The following HDAC11 variants were observed in gnomAD, a reference collection of about 807,000 sequenced individuals.
HDAC11 encodes histone deacetylase 11.
In HDAC11, 23 loss-of-function variants were observed where a neutral mutation model predicts 41.1. The observed-to-expected ratio is 0.56, with a 90% CI of 0.40 to 0.79. HDAC11 has a LOEUF of 0.79. Among genes scored for constraint, HDAC11 ranks in the 30% least tolerant of loss-of-function variants. HDAC11 has a pLI of 0.00. For missense variants in HDAC11, 402 were observed against 477.3 expected (o/e 0.84, Z 1.47); for synonymous variants, 187 against 186.6 (o/e 1.00, Z -0.02).
chr3:13,498,458 G>A, intron 4 of HDAC11, 55 bp from the exon 5 acceptor site: 5 of 1,606,972 alleles, frequency 3.1e-6, no homozygotes, highest in Non-Finnish European at 4.3e-6. Flanking sequence ...ATCAGTGAAT[G>A]AATGACTGGT....
chr3:13,504,518 G>C lies in HDAC11; in HGVS notation c.879G>C (p.Arg293=). ...TGTTCCGGATGGTCCGTGGCCGCCG[G>C]GTGCCCATCCTTATGGTGACCTCAG... ...ELVFRMVRGR[R]VPILMVTSGG... The change falls in exon 10 of 10, where the codon CGG becomes CGC. Residue 293 remains arginine, a synonymous_variant. Coordinates refer to ENST00000295757, the MANE Select transcript of HDAC11 (RefSeq NM_024827.4). The C allele has an allele frequency of 1.2e-6, 2 of 1,613,542 alleles. No homozygotes were observed. The highest frequency in any genetic ancestry group is 1.7e-6 in the Non-Finnish European group (2 of 1,180,030).
chr3:13,481,338 A>C lies in HDAC11; in HGVS notation c.95A>C (p.Glu32Ala). ...PRYNITFMGL[E>A]KLHPFDAGKW... The stretch of plus-strand genomic sequence containing the variant: ...TACAACATCACCTTCATGGGCCTGG[A>C]GAAGCTGCATCCCTTTGATGCCGGA... Residue 32 changes from glutamate to alanine, a missense_variant, in exon 2 of 10, where the codon GAG becomes GCG. Transcript: ENST00000295757. The C allele has an allele frequency of 6.2e-7, 1 of 1,613,974 alleles. No homozygotes were observed. The highest frequency in any genetic ancestry group is 8.5e-7 in the Non-Finnish European group (1 of 1,180,016).
Position 13,502,144 on chromosome 3 carries a change from C to T in HDAC11, c.552+211C>T, listed in dbSNP as rs1000361842. The stretch of plus-strand genomic sequence containing the variant: ...TGCTCCCGAGGGTCCTCCCTCCCTC[C>T]TCCTGACTGCCCCCACATGAGGCTC... On this transcript the variant is annotated intron_variant, in intron 7 of 9. Coordinates refer to ENST00000295757, the MANE Select transcript of HDAC11 (RefSeq NM_024827.4). The surrounding 1 kb of genome is among the most constrained non-coding windows in gnomAD (Gnocchi z 4.1). 1.2e-5 allele frequency: 7 copies of T among 567,632 alleles called. No homozygotes were observed. The South Asian group carries it at 1.6e-4, about 13-fold the overall frequency. 35.2% of individuals were successfully genotyped at this position (567,632 alleles called of 1,614,324 possible).
At chr3:13,481,636 A>C (rs562224198) in intron 2 of HDAC11, among the ~76,000 whole-genome samples, 1 of 152,164 alleles carries the variant, frequency 6.6e-6, no homozygotes, top group South Asian at 2.1e-4. Flanking sequence ...GCCTCTGCCC[A>C]AGAGGCCTAG....
intron 3 of HDAC11, among the ~76,000 whole-genome samples, chr3:13,484,733 CCACCTGTAGACCAAACTGGG>C (rs1701482781): frequency 6.6e-6 from 1 of 152,176 alleles, no homozygotes; most frequent in Non-Finnish European, 1.5e-5. Flanking sequence ...TTGTAAAAGC[CCACCTGTAGACCAAACTGGG>C]CACACTGGCT....
chr3:13,490,193 C>T (rs760055764), intron 3 of HDAC11, among the ~76,000 whole-genome samples: 1 of 152,064 alleles, frequency 6.6e-6, no homozygotes, highest in Non-Finnish European at 1.5e-5. Flanking sequence ...GAGGTCTCAC[C>T]ATGTTGGTCA....
chr3:13,503,034 C>CAGGAGAGA, intron 8 of HDAC11, 54 bp downstream of exon 8: 2 of 1,345,940 alleles, frequency 1.5e-6, no homozygotes, highest in Non-Finnish European at 1.1e-6. Context: ...ATGAGGCTCT[C>CAGGAGAGA]TCCTGAGTGT....
chr3:13,504,626 A>G lies in HDAC11; in HGVS notation c.987A>G (p.Ser329=). 6.2e-7 allele frequency: 1 copy of G among 1,613,736 alleles called. No homozygotes were observed. The highest frequency in any genetic ancestry group is 8.5e-7 in the Non-Finnish European group (1 of 1,180,014). The change falls in exon 10 of 10, where the codon TCA becomes TCG. Residue 329 remains serine, a synonymous_variant. Transcript: ENST00000295757. ...GCCTGGGGCTCATTGGGCCTGAGTC[A>G]CCCAGCGTCTCCGCACAGAACTCAG... The part of the protein sequence containing the change: ...LFGLGLIGPE[S]PSVSAQNSDT...
At chr3:13,485,626 A>G (rs777208857) in intron 3 of HDAC11, among the ~76,000 whole-genome samples, 5 of 152,174 alleles carry the variant, frequency 3.3e-5, no homozygotes, top group African/African-American at 9.7e-5. Flanking sequence ...TATGTGATAT[A>G]TAATAATACA....
Position 13,503,016 on chromosome 3 carries a change from C to G in HDAC11, c.649+36C>G, listed in dbSNP as rs755912986. The G allele has an allele frequency of 3.3e-6, 5 of 1,508,286 alleles. No homozygotes were observed. The South Asian group carries it at 4.5e-5, about 14-fold the overall frequency. The allele number at this position is 1,508,286 out of a possible 1,614,324, so 93.4% of individuals were successfully genotyped here. On this transcript the variant is annotated intron_variant, in intron 8 of 9. Transcript: ENST00000295757. ...GCCCCTACCCTCATCTTGGGTGTGT[C>G]CTTGTGGATGAGGCTCTCTCCTGAG...
At chr3:13,483,244 T>C (rs1701405483) in intron 2 of HDAC11, among the ~76,000 whole-genome samples, 1 of 152,096 alleles carries the variant, frequency 6.6e-6, no homozygotes, top group Non-Finnish European at 1.5e-5. Context: ...TGGGGATTGC[T>C]GTGTGTACGA....
chr3:13,504,300 A>G, intron 9 of HDAC11, 28 bp downstream of exon 9: 1 of 1,610,662 alleles, frequency 6.2e-7, no homozygotes, highest in Non-Finnish European at 8.5e-7. Context: ...GGGCCACGGG[A>G]GGGTCTGCTC....
chr3:13,492,507 A>T (rs1405367914), intron 3 of HDAC11, among the ~76,000 whole-genome samples: 1 of 152,168 alleles, frequency 6.6e-6, no homozygotes, highest in Admixed American at 6.5e-5. Context: ...GGGAAGATGA[A>T]GCCAAGGTGT....
intron 3 of HDAC11, among the ~76,000 whole-genome samples, chr3:13,487,664 G>A (rs1016946804): frequency 2.0e-5 from 3 of 152,100 alleles, no homozygotes; most frequent in Non-Finnish European, 4.4e-5. Context: ...GGCAGCATCT[G>A]ACATCCTGCC....
chr3:13,488,416 G>A (rs1701694811), intron 3 of HDAC11, among the ~76,000 whole-genome samples: 1 of 152,028 alleles, frequency 6.6e-6, no homozygotes, highest in Non-Finnish European at 1.5e-5. Flanking sequence ...TTAAACACTT[G>A]CTCCCCATTT....
rs1702413747 is a variant in HDAC11, at chr3:13,502,422, T to C, written c.553-462T>C. ...TCCTCAGGACCCCTAATGAGGCCAG[T>C]GCCTCTGGTCAGACAGGGAGGGGAC... On this transcript the variant is annotated intron_variant, in intron 7 of 9. Coordinates refer to ENST00000295757, the MANE Select transcript of HDAC11 (RefSeq NM_024827.4). This position sits in a 1 kb window ranked among gnomAD's most constrained non-coding sequence, Gnocchi z 4.1. The C allele has an allele frequency of 5.3e-6, 1 of 187,510 alleles. No individual in the cohort carries two copies. Among genetic ancestry groups the C allele is most frequent in the Admixed American group, 5.4e-5 (1 of 18,420 alleles). 11.6% of individuals were successfully genotyped at this position (187,510 alleles called of 1,614,324 possible). A position where few individuals can be genotyped will look rare whatever the true frequency, so the allele number is the denominator to read the frequency against.
At chr3:13,503,002 C>T in intron 8 of HDAC11, 22 bp downstream of exon 8, 1 of 1,569,920 alleles carries the variant, frequency 6.4e-7, no homozygotes, top group South Asian at 1.1e-5. Flanking sequence ...CCCCTACCCT[C>T]ATCTTGGGTG....
chr3:13,498,601 G>A (rs1702217401), intron 5 of HDAC11, 46 bp downstream of exon 5: 8 of 1,277,226 alleles, frequency 6.3e-6, no homozygotes, highest in African/African-American at 3.0e-5. Context: ...CGGCTTGGTG[G>A]AACTGGCCTG....
At chr3:13,488,429 C>G (rs1232245651) in intron 3 of HDAC11, among the ~76,000 whole-genome samples, 1 of 152,124 alleles carries the variant, frequency 6.6e-6, no homozygotes, top group Non-Finnish European at 1.5e-5. Context: ...CCCCATTTAT[C>G]CCCCCAAGTC....
Sources: allele counts gnomAD v4.1 joint callset (sites outside exome capture counted in the v4.1 genomes callset), GRCh38; gene constraint gnomAD v4.1.1; non-coding constraint Gnocchi (gnomAD v3.1); transcripts MANE v1.5; gene names NCBI Gene and HGNC (gene_info 2026-07-23, HGNC 2026-07-21).